The following KANSL1 variants were observed in gnomAD, a reference collection of about 807,000 sequenced individuals.
The protein encoded by KANSL1 is MLL1/MLL complex subunit KANSL1.
A neutral mutation model predicts 103.6 loss-of-function variants in KANSL1; 22 were observed. The ratio of observed to expected loss-of-function variants is 0.21; its 90% CI spans 0.15 to 0.30. The LOEUF is 0.30. Among genes scored for constraint, KANSL1 ranks in the 10% least tolerant of loss-of-function variants. The pLI is 1.00. For missense variants in KANSL1, 1,337 were observed against 1,399.8 expected, an observed-to-expected ratio of 0.96 and a Z score of 0.72; for synonymous variants, 600 against 527.6, an observed-to-expected ratio of 1.14 and a Z score of -1.88.
chr17:46,174,123 T>C (rs1435849883), intron 1 of KANSL1, among the ~76,000 whole-genome samples: 1 of 152,242 alleles, frequency 6.6e-6, no homozygotes, highest in African/African-American at 2.4e-5. Context: ...ATTAGTGTTT[T>C]TGAAAACTTG....
chr17:46,170,413 G>C (rs1250184074), intron 2 of KANSL1: 1 of 179,432 alleles, frequency 5.6e-6, no homozygotes, highest in African/African-American at 2.4e-5. Context: ...TCTGCTGAAA[G>C]TTCAATCAAA....
chr17:46,100,444 CA>C (rs369274727), intron 2 of KANSL1, among the ~76,000 whole-genome samples: 939 of 88,220 alleles, frequency 0.011, 6 homozygotes, highest in South Asian at 0.024. Context: ...TCCCTCTCCC[CA>C]AAAAAAAAAA....
At chr17:46,201,440 A>C (rs2047801513) in intron 1 of KANSL1, among the ~76,000 whole-genome samples, 1 of 152,148 alleles carries the variant, frequency 6.6e-6, no homozygotes, top group Non-Finnish European at 1.5e-5. Context: ...AAAATTCAAA[A>C]CCCTCCAAAA....
intron 2 of KANSL1, among the ~76,000 whole-genome samples, chr17:46,139,187 T>C (rs2044297588): frequency 6.6e-6 from 1 of 152,292 alleles, no homozygotes; most frequent in Non-Finnish European, 1.5e-5. Flanking sequence ...CTAATGTCTA[T>C]TTACCTCTTA....
In KANSL1 at chr17:46,032,246, G is replaced by A; in HGVS notation, c.2891C>T (p.Pro964Leu). ...AGGGGAGGCAGGCTGGGGGGTGGAG[G>A]GGTTGGCACTGCCCAGCTGGGGGGT... is the stretch of plus-strand genomic sequence containing the variant. ...RTTPQLGSAN[P>L]STPQPASPDV... The change falls in exon 14 of 15, where the codon CCC becomes CTC. Residue 964 changes from proline (P) to leucine (L), a missense_variant. Pro to Leu is a moderately conservative substitution (Grantham distance 98). Coordinates refer to ENST00000432791, the MANE Select transcript of KANSL1 (RefSeq NM_015443.4). 6.4e-7 allele frequency: 1 copy of A among 1,560,950 alleles called. No individual in the cohort carries two copies. The highest frequency in any genetic ancestry group is 8.7e-7 in the Non-Finnish European group (1 of 1,150,300).
intron 2 of KANSL1, among the ~76,000 whole-genome samples, chr17:46,167,805 G>T (rs2532281): frequency 0.12 from 18,518 of 150,306 alleles, 23 homozygotes; most frequent in Non-Finnish European, 0.19. Flanking sequence ...TCTATAGCTA[G>T]CATGTACCAA....
At chr17:46,074,666 C>G (rs1412739208) in intron 4 of KANSL1, among the ~76,000 whole-genome samples, 1 of 151,808 alleles carries the variant, frequency 6.6e-6, no homozygotes, top group African/African-American at 2.4e-5. Context: ...ACTTGGGAGG[C>G]TGAGAGATGG....
In KANSL1 at chr17:46,172,220, C is replaced by T; in HGVS notation, c.-77G>A. ...CAGCTCCACGGCCCCTTACTGCCTC[C>T]CCAGAGAACAGACTAGAAGAGAAAG... is the stretch of plus-strand genomic sequence containing the variant. On this transcript the variant is annotated 5_prime_UTR_variant, in exon 2 of 15. Transcript: ENST00000432791. The T allele has an allele frequency of 7.5e-7, 1 of 1,336,532 alleles. No individual in the cohort carries two copies. The allele number at this position is 1,336,532 out of a possible 1,614,324, so 82.8% of individuals were successfully genotyped here. A position where few individuals can be genotyped will look rare whatever the true frequency, so the allele number is the denominator to read the frequency against.
chr17:46,143,803 C>CAAAAAAAAAAAAAAAAAAAAAAAAAA (rs57361021), intron 2 of KANSL1, among the ~76,000 whole-genome samples: 3 of 85,534 alleles, frequency 3.5e-5, no homozygotes, highest in African/African-American at 5.7e-5. Flanking sequence ...GACTCCATCT[C>CAAAAAAAAAAAAAAAAAAAAAAAAAA]AAAAAAAAAA....
chr17:46,050,686 T>C lies in KANSL1; in HGVS notation c.1867A>G (p.Ile623Val), dbSNP rs767702173. Reference sequence around the variant, plus strand: ...GGATTCACATCACAGCCAGGGCGGATTGTGCTGTTCCGGTGAACCTGTGAA... The same window carrying C: ...GGATTCACATCACAGCCAGGGCGGACTGTGCTGTTCCGGTGAACCTGTGAA... The part of the protein sequence containing the change: ...LSKKVHRNST[I>V]RPGCDVNPSC... Residue 623 changes from isoleucine to valine, a missense_variant, in exon 7 of 15, where the codon ATC becomes GTC. This residue lies in a region of KANSL1 where 780 missense variants were observed against 923.4 expected (regional missense o/e 0.84). Coordinates refer to ENST00000432791, the MANE Select transcript of KANSL1 (RefSeq NM_015443.4). The C allele has an allele frequency of 6.8e-6, 11 of 1,613,862 alleles. No homozygotes were observed. The highest frequency in any genetic ancestry group is 3.3e-5 in the Admixed American group (2 of 59,998).
chr17:46,070,990 A>G (rs558601136), intron 4 of KANSL1, among the ~76,000 whole-genome samples: 1 of 152,298 alleles, frequency 6.6e-6, no homozygotes, highest in South Asian at 2.1e-4. Flanking sequence ...AAGTCTAAAG[A>G]AGAATATGTC....
In KANSL1 at chr17:46,029,924, CTTTTT is replaced by C. The variant is rs767830420; in HGVS notation, c.*1547_*1551del. ...AGGCCTGGTACACAGCATTCTGTAA[CTTTTT>C]TTTTTATTTTTTTCAATTTTTCCTT... On this transcript the variant is annotated 3_prime_UTR_variant, in exon 15 of 15. Coordinates refer to ENST00000432791, the MANE Select transcript of KANSL1 (RefSeq NM_015443.4). The C allele has an allele frequency of 1.3e-5, 2 of 148,738 alleles. No individual in the cohort carries two copies. The highest frequency in any genetic ancestry group is 2.0e-4 in the East Asian group (1 of 5,084). The allele number at this position is 148,738 out of a possible 1,614,324, so 9.2% of individuals were successfully genotyped here.
chr17:46,141,705 A>C (rs2044430364), intron 2 of KANSL1, among the ~76,000 whole-genome samples: 1 of 152,234 alleles, frequency 6.6e-6, no homozygotes, highest in Non-Finnish European at 1.5e-5. Flanking sequence ...CATATTCTGG[A>C]AAGATATTCT....
intron 2 of KANSL1, among the ~76,000 whole-genome samples, chr17:46,094,937 G>C (rs1344947526): frequency 6.6e-6 from 1 of 152,108 alleles, no homozygotes; most frequent in African/African-American, 2.4e-5. Context: ...CTGATCCTGT[G>C]GCACACAGTT....
intron 6 of KANSL1, among the ~76,000 whole-genome samples, chr17:46,064,069 AAAC>A (rs1416887423): frequency 1.9e-5 from 2 of 104,508 alleles, no homozygotes; most frequent in African/African-American, 5.4e-5. Context: ...AAAAAAAAAA[AAAC>A]AAAAAAAAAC....
upstream of KANSL1, chr17:46,196,661 T>G (rs1351905493): frequency 3.4e-6 from 1 of 296,412 alleles, no homozygotes; most frequent in Admixed American, 4.6e-5. Flanking sequence ...CAATAAACAT[T>G]TATTAATTGC....
chr17:46,169,650 CCT>C (rs1298816335), intron 2 of KANSL1: 1 of 152,256 alleles, frequency 6.6e-6, no homozygotes, highest in Admixed American at 6.5e-5. Context: ...TTATCCTGCC[CCT>C]CTTTTCCAAC....
At chr17:46,055,319 GC>G (rs1332283403) in intron 6 of KANSL1, among the ~76,000 whole-genome samples, 1 of 151,866 alleles carries the variant, frequency 6.6e-6, no homozygotes, top group Admixed American at 6.6e-5. Flanking sequence ...CAAAAAATTA[GC>G]CGGGCATGGT....
At chr17:46,213,761 T>C (rs57465121) in intron 1 of KANSL1, among the ~76,000 whole-genome samples, 4,415 of 151,650 alleles carry the variant, frequency 0.029, 175 homozygotes, top group African/African-American at 0.089. Context: ...CTACTAAAAA[T>C]ATAACAATCA....
Sources: allele counts gnomAD v4.1 joint callset (sites outside exome capture counted in the v4.1 genomes callset), GRCh38; gene constraint gnomAD v4.1.1; regional missense constraint gnomAD v4.1.1; transcripts MANE v1.5; gene names NCBI Gene and HGNC (gene_info 2026-07-23, HGNC 2026-07-21).